The following NLN variants were observed in gnomAD, a reference collection of about 807,000 sequenced individuals.
The protein encoded by NLN is neurolysin, also known as neurolysin, mitochondrial.
Under a neutral mutation model 79.9 loss-of-function variants are expected in NLN, and 64 were observed. The ratio of observed to expected loss-of-function variants is 0.80; its 90% CI spans 0.65 to 0.99. The LOEUF is 0.99. NLN is among the 50% of genes least tolerant of loss of function. NLN has a pLI of 0.00. For synonymous variants in NLN, 267 were observed against 296.6 expected, an observed-to-expected ratio of 0.90 and a Z score of 1.02; for missense variants, 835 against 858.7, an observed-to-expected ratio of 0.97 and a Z score of 0.34.
At chr5:65,794,699 A>T (rs911801008) in intron 9 of NLN, among the ~76,000 whole-genome samples, 2 of 152,166 alleles carry the variant, frequency 1.3e-5, no homozygotes, top group African/African-American at 4.8e-5. Context: ...TGAATAGTCC[A>T]GCAGGGGGTA....
rs751610408 is a variant in NLN, at chr5:65,825,560, G to A, written c.*2645G>A. 1 of 152,136 alleles carries A rather than the reference G, an allele frequency of 6.6e-6. No homozygotes were observed. Among genetic ancestry groups the A allele is most frequent in the African/African-American group, 2.4e-5 (1 of 41,420 alleles). The allele number at this position is 152,136 out of a possible 1,614,324, so 9.4% of individuals were successfully genotyped here. A position where few individuals can be genotyped will look rare whatever the true frequency, so the allele number is the denominator to read the frequency against. On this transcript the variant is annotated 3_prime_UTR_variant, in exon 13 of 13. Coordinates refer to ENST00000380985, the MANE Select transcript of NLN (RefSeq NM_020726.5). ...CTGATGTAGACTTTGTCCCCCTCTA[G>A]TATAAATGTTGCATGTTACCTAGAT...
At chr5:65,794,930 A>G (rs1760139341) in intron 9 of NLN, among the ~76,000 whole-genome samples, 1 of 152,224 alleles carries the variant, frequency 6.6e-6, no homozygotes, top group South Asian at 2.1e-4. Flanking sequence ...GTTTTAAAAA[A>G]CAGAGGGGAA....
intron 3 of NLN, among the ~76,000 whole-genome samples, chr5:65,773,088 G>A (rs892771107): frequency 2.0e-4 from 30 of 149,958 alleles, no homozygotes; most frequent in Non-Finnish European, 3.7e-4. Context: ...AAACTGCTGG[G>A]ATTACAGGCA....
intron 5 of NLN, among the ~76,000 whole-genome samples, chr5:65,780,594 AT>A (rs910443076): frequency 8.6e-5 from 13 of 151,516 alleles, no homozygotes; most frequent in African/African-American, 2.9e-4. Context: ...GTGCCTTAAA[AT>A]TTTTTTTTGA....
intron 1 of NLN, among the ~76,000 whole-genome samples, chr5:65,736,420 T>A (rs928816563): frequency 1.3e-5 from 2 of 152,214 alleles, no homozygotes; most frequent in Non-Finnish European, 2.9e-5. Flanking sequence ...TGTGTAAGAG[T>A]ATGAATTTAA....
At chr5:65,817,431 T>G (rs750321065) in intron 12 of NLN, among the ~76,000 whole-genome samples, 1 of 152,218 alleles carries the variant, frequency 6.6e-6, no homozygotes, top group Non-Finnish European at 1.5e-5. Flanking sequence ...GGTCACCAAA[T>G]GTGAATTCAG....
At chr5:65,820,082 A>G (rs1409715724) in intron 12 of NLN, among the ~76,000 whole-genome samples, 2 of 152,210 alleles carry the variant, frequency 1.3e-5, no homozygotes, top group Admixed American at 1.3e-4. Context: ...CTGTCTCTTT[A>G]TAACACCATG....
intron 3 of NLN, among the ~76,000 whole-genome samples, chr5:65,774,046 G>T (rs1579939822): frequency 7.1e-6 from 1 of 140,070 alleles, no homozygotes; most frequent in African/African-American, 2.6e-5. Flanking sequence ...CATTAAAATA[G>T]AATTCAAAGT....
intron 3 of NLN, among the ~76,000 whole-genome samples, chr5:65,765,630 GC>G (rs766949446): frequency 5.3e-5 from 8 of 151,958 alleles, no homozygotes; most frequent in Non-Finnish European, 7.4e-5. Context: ...GATTGCTTGT[GC>G]CCAGGAGGTT....
intron 9 of NLN, 133 bp downstream of exon 9, chr5:65,792,788 C>CAAAACCA: frequency 1.3e-6 from 1 of 761,244 alleles, no homozygotes; most frequent in Non-Finnish European, 2.3e-6. Context: ...AGGCCTTCTG[C>CAAAACCA]AAAACCAAAA....
intron 3 of NLN, among the ~76,000 whole-genome samples, chr5:65,767,319 C>A (rs1561193238): frequency 6.6e-6 from 1 of 152,222 alleles, no homozygotes; most frequent in Non-Finnish European, 1.5e-5. Context: ...TGCACACCTA[C>A]AGGCCCAATA....
At chr5:65,792,259 G>A (rs796663406) in intron 8 of NLN, among the ~76,000 whole-genome samples, 195 bp from the exon 9 acceptor site, 9 of 152,328 alleles carry the variant, frequency 5.9e-5, no homozygotes, top group African/African-American at 2.2e-4. Context: ...AGCTCACACA[G>A]AATGTTAGTG....
At position 65,823,803 on chromosome 5, in the gene NLN, C is replaced by T. The variant is rs1760855521; in HGVS notation, c.*888C>T. On this transcript the variant is annotated 3_prime_UTR_variant, in exon 13 of 13. Coordinates refer to ENST00000380985, the MANE Select transcript of NLN (RefSeq NM_020726.5). ...CACGTCCCCAAAAGTGTCAGGTAGA[C>T]ATGTCACAAATGGCTCTGTAGAGAG... 1 of 152,142 alleles carries T rather than the reference C, an allele frequency of 6.6e-6. No individual in the cohort carries two copies. Among genetic ancestry groups the T allele is most frequent in the South Asian group, 2.1e-4 (1 of 4,824 alleles). The allele number at this position is 152,142 out of a possible 1,614,324, so 9.4% of individuals were successfully genotyped here.
At chr5:65,731,363 A>G (rs1046419747) in intron 1 of NLN, among the ~76,000 whole-genome samples, 4 of 152,270 alleles carry the variant, frequency 2.6e-5, no homozygotes, top group Non-Finnish European at 2.9e-5. Context: ...CACATTGTTA[A>G]GAGACATAGA....
intron 2 of NLN, among the ~76,000 whole-genome samples, chr5:65,762,398 C>A (rs555609421): frequency 6.6e-6 from 1 of 152,062 alleles, no homozygotes; most frequent in Admixed American, 6.6e-5. Flanking sequence ...TAAATTACAC[C>A]CTCAGGCTAG....
At chr5:65,765,375 A>T (rs1398820789) in intron 3 of NLN, among the ~76,000 whole-genome samples, 1 of 151,842 alleles carries the variant, frequency 6.6e-6, no homozygotes, top group Non-Finnish European at 1.5e-5. Flanking sequence ...AAAATTAGCC[A>T]GGTGTGGTGG....
intron 6 of NLN, among the ~76,000 whole-genome samples, chr5:65,785,331 A>G (rs1759894866): frequency 6.6e-6 from 1 of 152,186 alleles, no homozygotes; most frequent in African/African-American, 2.4e-5. Context: ...CACATTTTCT[A>G]TGTTTTTAAA....
chr5:65,800,436 G>A (rs1760258724), intron 9 of NLN, among the ~76,000 whole-genome samples: 1 of 152,176 alleles, frequency 6.6e-6, no homozygotes, highest in African/African-American at 2.4e-5. Context: ...AGCACTTTGG[G>A]AGGCAGAGGC....
At chr5:65,785,617 A>G (rs1759902122) in intron 6 of NLN, among the ~76,000 whole-genome samples, 158 bp from the exon 7 acceptor site, 1 of 151,976 alleles carries the variant, frequency 6.6e-6, no homozygotes, top group Admixed American at 6.5e-5. Context: ...AAAAAAAAAA[A>G]AAAAGCCTAT....
Sources: allele counts gnomAD v4.1 joint callset (sites outside exome capture counted in the v4.1 genomes callset), GRCh38; gene constraint gnomAD v4.1.1; transcripts MANE v1.5; gene names NCBI Gene and HGNC (gene_info 2026-07-23, HGNC 2026-07-21).